Variants in MAGI2 observed in about 807,000 individuals in gnomAD.
The protein encoded by MAGI2 is membrane-associated guanylate kinase, WW and PDZ domain-containing protein 2.
MAGI2 carries 35 observed loss-of-function variants against 133.3 expected under a neutral mutation model. The observed-to-expected ratio is 0.26, with a 90% confidence interval of 0.20 to 0.35. The LOEUF (loss-of-function observed/expected upper bound fraction) is 0.35, where lower values mean the gene tolerates loss of function less well. MAGI2 is among the 10% of genes least tolerant of loss of function. The pLI is 1.00. For missense variants in MAGI2, 1,636 were observed against 1,863.4 expected, an observed-to-expected ratio of 0.88 and a Z score of 2.25; for synonymous variants, 729 against 710.6, an observed-to-expected ratio of 1.03 and a Z score of -0.41.
intron 1 of MAGI2, among the ~76,000 whole-genome samples, chr7:79,227,770 T>C (rs1563018088): frequency 6.6e-6 from 1 of 152,194 alleles, no homozygotes; most frequent in African/African-American, 2.4e-5. Context: ...TAGAAAAAGT[T>C]GAATTGTTAA....
intron 21 of MAGI2, among the ~76,000 whole-genome samples, chr7:78,039,211 G>A (rs1479654546): frequency 6.6e-6 from 1 of 152,106 alleles, no homozygotes; most frequent in Non-Finnish European, 1.5e-5. Flanking sequence ...AAATTATACA[G>A]GCTCTTCTTT....
intron 16 of MAGI2, among the ~76,000 whole-genome samples, chr7:78,138,998 G>A (rs1822466282): frequency 6.6e-6 from 1 of 152,188 alleles, no homozygotes. Context: ...AAGTTTCACT[G>A]TAAACAGAAT....
At chr7:79,188,480 T>G (rs1207696919) in intron 1 of MAGI2, among the ~76,000 whole-genome samples, 1 of 151,898 alleles carries the variant, frequency 6.6e-6, no homozygotes, top group Non-Finnish European at 1.5e-5. Flanking sequence ...GGCTGCATAG[T>G]ATTCCATGGT....
intron 16 of MAGI2, among the ~76,000 whole-genome samples, chr7:78,136,249 A>G (rs1822116352): frequency 6.6e-6 from 1 of 151,896 alleles, no homozygotes; most frequent in Admixed American, 6.6e-5. Context: ...CTTCCCGAGT[A>G]GCTGGGACTA....
At chr7:78,141,580 A>C (rs1395417858) in intron 16 of MAGI2, among the ~76,000 whole-genome samples, 2 of 152,162 alleles carry the variant, frequency 1.3e-5, no homozygotes, top group East Asian at 3.9e-4. Context: ...TTCCTCTAGA[A>C]CGCTGTGAAA....
At chr7:78,410,711 A>C (rs1192507649) in intron 6 of MAGI2, among the ~76,000 whole-genome samples, 1 of 151,992 alleles carries the variant, frequency 6.6e-6, no homozygotes, top group Non-Finnish European at 1.5e-5. Flanking sequence ...GGAGAAAAAG[A>C]GTAAGATGGG....
rs565787032 is a variant in MAGI2, at chr7:79,334,442, C to A, written c.301+118578G>T. ...CTTTTTTATAAGTCTTTTATAATTT[C>A]ATTAAAAGCCCCTGACTTTGATCTC... is the stretch of plus-strand genomic sequence containing the variant. On this transcript the variant is annotated intron_variant, in intron 1 of 21. Coordinates refer to ENST00000354212, the MANE Select transcript of MAGI2 (RefSeq NM_012301.4). Among the ~76,000 whole-genome samples the A allele has an allele frequency of 2.0e-3, 299 of 152,188 alleles. 1 individual carries two copies. Among genetic ancestry groups the A allele is most frequent in the African/African-American group, 6.6e-3 (274 of 41,548 alleles).
intron 4 of MAGI2, among the ~76,000 whole-genome samples, chr7:78,507,471 C>G (rs551952909): frequency 6.6e-6 from 1 of 152,230 alleles, no homozygotes; most frequent in African/African-American, 2.4e-5. Flanking sequence ...AGTTGTGTCA[C>G]TCAGATAAAT....
intron 1 of MAGI2, among the ~76,000 whole-genome samples, chr7:79,265,765 A>G (rs951915406): frequency 1.3e-5 from 2 of 152,106 alleles, no homozygotes; most frequent in Admixed American, 1.3e-4. Flanking sequence ...TGATGGGGGA[A>G]GGCAGGCGCT....
intron 2 of MAGI2, among the ~76,000 whole-genome samples, chr7:78,994,750 C>A (rs890027832): frequency 1.3e-5 from 2 of 152,032 alleles, no homozygotes; most frequent in Non-Finnish European, 2.9e-5. Flanking sequence ...AAATGGGAAC[C>A]ACAACACATT....
intron 3 of MAGI2, among the ~76,000 whole-genome samples, chr7:78,578,767 G>T (rs1802531201): frequency 1.3e-5 from 2 of 152,216 alleles, no homozygotes; most frequent in African/African-American, 2.4e-5. Context: ...TTGCTAATGA[G>T]CTCATTAACC....
chr7:78,366,211 G>A (rs1793363436), intron 7 of MAGI2, among the ~76,000 whole-genome samples: 1 of 152,040 alleles, frequency 6.6e-6, no homozygotes, highest in African/African-American at 2.4e-5. Context: ...GATATTGCTT[G>A]TTATATTAAC....
chr7:79,035,028 T>G (rs1366404810), intron 1 of MAGI2, among the ~76,000 whole-genome samples: 1 of 152,190 alleles, frequency 6.6e-6, no homozygotes, highest in Non-Finnish European at 1.5e-5. Flanking sequence ...CTGCAATTGC[T>G]CCTACTAGGT....
intron 1 of MAGI2, among the ~76,000 whole-genome samples, chr7:79,298,405 T>A (rs892372815): frequency 6.6e-6 from 1 of 152,134 alleles, no homozygotes; most frequent in Non-Finnish European, 1.5e-5. Context: ...CTTGGGGAGC[T>A]AAGTAAGTTC....
At chr7:78,096,904 A>C (rs1817742491) in intron 20 of MAGI2, among the ~76,000 whole-genome samples, 1 of 152,186 alleles carries the variant, frequency 6.6e-6, no homozygotes, top group Admixed American at 6.6e-5. Flanking sequence ...GGGAGAAAAT[A>C]TTTGCAAACT....
At chr7:79,235,467 C>G (rs565224591) in intron 1 of MAGI2, among the ~76,000 whole-genome samples, 2 of 152,218 alleles carry the variant, frequency 1.3e-5, no homozygotes, top group Non-Finnish European at 2.9e-5. Flanking sequence ...ATAGGACCCT[C>G]CAAGCCAGGT....
intron 2 of MAGI2, among the ~76,000 whole-genome samples, chr7:78,628,499 G>A (rs945136601): frequency 8.5e-5 from 13 of 152,210 alleles, no homozygotes; most frequent in African/African-American, 3.1e-4. Context: ...GACTGCAACT[G>A]AGAAGCAGAA....
chr7:78,034,474 T>G (rs17160602), intron 21 of MAGI2, among the ~76,000 whole-genome samples: 24,218 of 152,198 alleles, frequency 0.16, 2,089 homozygotes, highest in African/African-American at 0.18. Context: ...TTTGAAGCAC[T>G]TCCAGCTCTT....
At chr7:78,478,938 G>A (rs1425476347) in intron 6 of MAGI2, among the ~76,000 whole-genome samples, 1 of 151,884 alleles carries the variant, frequency 6.6e-6, no homozygotes. Flanking sequence ...CGTGGGGGCA[G>A]CCTTTTTCCT....
Sources: gnomAD v4.1 joint callset for allele counts (sites outside exome capture counted in the v4.1 genomes callset) on GRCh38, gnomAD v4.1.1 for gene constraint, MANE v1.5 for transcripts, NCBI Gene and HGNC (gene_info 2026-07-23, HGNC 2026-07-21) for gene names.